Variants in DCHS2 observed in about 807,000 individuals in gnomAD.
DCHS2 encodes the protein protocadherin-23.
DCHS2 carries 142 observed loss-of-function variants against 182.4 expected under a neutral mutation model. That is an observed-to-expected ratio of 0.78 (90% confidence interval 0.68 to 0.89). The LOEUF (loss-of-function observed/expected upper bound fraction) is 0.89, where lower values mean the gene tolerates loss of function less well. Ranked by LOEUF, DCHS2 falls within the 40% of genes least tolerant of loss-of-function variation. DCHS2 has a pLI of 0.00. For synonymous variants in DCHS2, 1,740 were observed against 1,663.3 expected (o/e 1.05, Z -1.12); for missense variants, 4,319 against 4,198.6 (o/e 1.03, Z -0.79).
At chr4:154,302,981 ATATT>A (rs1561026326) in intron 12 of DCHS2, among the ~76,000 whole-genome samples, 2 of 90,370 alleles carry the variant, frequency 2.2e-5, no homozygotes, top group Admixed American at 1.0e-4. Flanking sequence ...ACACACACAC[ATATT>A]TTTTTTTTTT....
rs1333585428 is a variant in DCHS2 at position 154,311,996 on chromosome 4, A to G, written c.5260+3752T>C. 2.6e-5 allele frequency among the ~76,000 whole-genome samples: 4 copies of G among 151,926 alleles called. No individual in the cohort carries two copies. In the East Asian group the frequency reaches 5.8e-4, roughly 22 times the overall value. ...TGATATTTATGCAAATATATTTATA[A>G]TAGAATTTTTTAATATATATATAGA... On this transcript the variant is annotated intron_variant, in intron 10 of 19. Coordinates refer to ENST00000357232, the MANE Select transcript of DCHS2 (RefSeq NM_001358235.2).
chr4:154,491,520 G>T lies in DCHS2; in HGVS notation c.-165C>A. 7.1e-7 allele frequency: 1 copy of T among 1,399,692 alleles called. No individual in the cohort carries two copies. The highest frequency in any genetic ancestry group is 9.2e-7 in the Non-Finnish European group (1 of 1,083,280). 86.7% of individuals were successfully genotyped at this position (1,399,692 alleles called of 1,614,324 possible). On this transcript the variant is annotated 5_prime_UTR_variant, in exon 1 of 20. Coordinates refer to ENST00000357232, the MANE Select transcript of DCHS2 (RefSeq NM_001358235.2). ...TCCCGAGGTTACATCTGCAACTGGT[G>T]AAAGCGTCCTCTGCCTGCAGCTCAC...
chr4:154,251,765 C>T (rs188626667), intron 16 of DCHS2, among the ~76,000 whole-genome samples: 12 of 152,198 alleles, frequency 7.9e-5, no homozygotes, highest in East Asian at 3.9e-4. Flanking sequence ...GTGATCTGCC[C>T]GCCTCAGCCT....
At chr4:154,416,218 AGAC>A (rs1394661132) in intron 1 of DCHS2, among the ~76,000 whole-genome samples, 1 of 152,152 alleles carries the variant, frequency 6.6e-6, no homozygotes, top group Non-Finnish European at 1.5e-5. Flanking sequence ...GAGAGCCCAG[AGAC>A]GGGGGACAGG....
At chr4:154,280,737 A>G (rs1239435079) in intron 13 of DCHS2, among the ~76,000 whole-genome samples, 1 of 152,188 alleles carries the variant, frequency 6.6e-6, no homozygotes, top group Non-Finnish European at 1.5e-5. Flanking sequence ...TAAAGGCCAT[A>G]TCTAAAAATC....
At chr4:154,401,134 T>C (rs1187844362) in intron 1 of DCHS2, among the ~76,000 whole-genome samples, 1 of 152,364 alleles carries the variant, frequency 6.6e-6, no homozygotes, top group African/African-American at 2.4e-5. Flanking sequence ...TTGCTCGTCC[T>C]TAACTTTACA....
chr4:154,269,836 A>G, intron 14 of DCHS2, 64 bp downstream of exon 14: 1 of 1,561,606 alleles, frequency 6.4e-7, no homozygotes, highest in East Asian at 2.3e-5. Flanking sequence ...TACTTTGCAA[A>G]TTTTGCAGAA....
intron 18 of DCHS2, among the ~76,000 whole-genome samples, chr4:154,240,307 T>TAAA (rs11379756): frequency 1.2e-4 from 17 of 143,560 alleles, no homozygotes; most frequent in Non-Finnish European, 1.5e-4. Context: ...CTCTAAAAAC[T>TAAA]AAAAAAAAAA....
intron 13 of DCHS2, among the ~76,000 whole-genome samples, chr4:154,294,973 G>C (rs1734855239): frequency 6.6e-6 from 1 of 152,186 alleles, no homozygotes; most frequent in Non-Finnish European, 1.5e-5. Context: ...TTTATTCCTA[G>C]AAAGAGAAAA....
chr4:154,281,335 C>T (rs1202442002), intron 13 of DCHS2, among the ~76,000 whole-genome samples: 4 of 152,044 alleles, frequency 2.6e-5, no homozygotes, highest in African/African-American at 9.7e-5. Flanking sequence ...AGCAAAGTTG[C>T]AGGATACAAA....
chr4:154,485,116 A>AG (rs397825504), intron 1 of DCHS2, among the ~76,000 whole-genome samples: 5 of 151,236 alleles, frequency 3.3e-5, no homozygotes, highest in Non-Finnish European at 1.5e-5. Flanking sequence ...TTTTTTTTAA[A>AG]TGAACTTCTG....
intron 1 of DCHS2, among the ~76,000 whole-genome samples, chr4:154,423,401 C>G (rs780040094): frequency 6.6e-6 from 1 of 152,156 alleles, no homozygotes; most frequent in Non-Finnish European, 1.5e-5. Flanking sequence ...TTTTTATGAC[C>G]CCCAAATTAT....
chr4:154,389,516 T>TTTTATATATATATA (rs1554013193), intron 1 of DCHS2, among the ~76,000 whole-genome samples: 12 of 111,132 alleles, frequency 1.1e-4, no homozygotes, highest in Non-Finnish European at 2.0e-4. Flanking sequence ...AAGACAAAGG[T>TTTTATATATATATA]TATATATATA....
chr4:154,259,845 CAG>C, intron 14 of DCHS2, 89 bp from the exon 15 acceptor site: 2 of 1,360,816 alleles, frequency 1.5e-6, no homozygotes, highest in African/African-American at 2.9e-5. Flanking sequence ...AGTTTTGAGA[CAG>C]AGTCTCGCAC....
intron 1 of DCHS2, among the ~76,000 whole-genome samples, chr4:154,387,568 A>G (rs1247343409): frequency 6.6e-6 from 1 of 152,186 alleles, no homozygotes; most frequent in Non-Finnish European, 1.5e-5. Flanking sequence ...TAAATAATGA[A>G]ATCATTTAAA....
chr4:154,293,937 T>A (rs1561018382), intron 13 of DCHS2, among the ~76,000 whole-genome samples: 2 of 152,048 alleles, frequency 1.3e-5, no homozygotes, highest in African/African-American at 4.8e-5. Context: ...CACAACTATC[T>A]CCCCGACCCT....
At chr4:154,346,398 C>G (rs948105549) in intron 3 of DCHS2, among the ~76,000 whole-genome samples, 1 of 152,116 alleles carries the variant, frequency 6.6e-6, no homozygotes, top group African/African-American at 2.4e-5. Context: ...TCCTCTAGGT[C>G]CTGATGTACT....
chr4:154,304,674 A>T lies in DCHS2; in HGVS notation c.5600T>A (p.Ile1867Lys). ...AAACAAACAAACAAACTTACCAATT[A>T]TGTGATATTCAACAGCTCTGTTATT... ...AGNNRAVEYH[I>K]IDGNTDECFT... Residue 1867 changes from isoleucine (I) to lysine (K), a missense_variant, in exon 12 of 20, where the codon ATA (isoleucine) becomes AAA (lysine). By Grantham distance (102) the Ile-to-Lys change is moderately radical (BLOSUM62 -3). Transcript: ENST00000357232. 1 of 1,594,690 alleles carries T rather than the reference A, an allele frequency of 6.3e-7. No homozygotes were observed. Among genetic ancestry groups the T allele is most frequent in the Middle Eastern group, 1.7e-4 (1 of 5,762 alleles).
In DCHS2 at chr4:154,332,577, C is replaced by T; in HGVS notation, c.3631G>A (p.Gly1211Ser). 1 of 1,614,158 alleles carries T rather than the reference C, an allele frequency of 6.2e-7. No individual in the cohort carries two copies. Among genetic ancestry groups the T allele is most frequent in the African/African-American group, 1.3e-5 (1 of 75,052 alleles). The change falls in exon 5 of 20, where the codon GGC becomes AGC. Residue 1211 changes from glycine to serine, a missense_variant. Gly to Ser is a moderately conservative substitution (Grantham distance 56). Transcript: ENST00000357232. ...EESPVPQGVI[G>S]KITAIDMDSG... ...TCCATGTCAATAGCTGTAATTTTGC[C>T]TATTACCCCTTGGGGAACAGGGCTC...
Sources: allele counts gnomAD v4.1 joint callset (sites outside exome capture counted in the v4.1 genomes callset), GRCh38; gene constraint gnomAD v4.1.1; transcripts MANE v1.5; gene names NCBI Gene and HGNC (gene_info 2026-07-23, HGNC 2026-07-21).